Variants in TENM4 observed in about 807,000 individuals in gnomAD.
The protein encoded by TENM4 is teneurin transmembrane protein 4.
TENM4 carries 82 observed loss-of-function variants against 243.3 expected under a neutral mutation model. That is an observed-to-expected ratio of 0.34 (90% CI 0.28 to 0.40). The LOEUF (loss-of-function observed/expected upper bound fraction) is 0.40. Among genes scored for constraint, TENM4 ranks in the 10% least tolerant of loss-of-function variants. The probability of loss-of-function intolerance (pLI) is 1.00; values close to 1 mark genes in which losing one functional copy is unlikely to be tolerated. For missense variants in TENM4, 3,138 were observed against 3,673.3 expected (o/e 0.85, Z 3.77); for synonymous variants, 1,412 against 1,456.3 (o/e 0.97, Z 0.69).
At chr11:78,893,780 T>TACACACACAAACACACACACACAC (rs1855722596) in intron 7 of TENM4, among the ~76,000 whole-genome samples, 1 of 142,670 alleles carries the variant, frequency 7.0e-6, no homozygotes, top group Non-Finnish European at 1.5e-5. Flanking sequence ...GGACTTCACA[T>TACACACACAAACACACACACACAC]ACACACACAC....
rs1276207796 is a variant in TENM4 at position 78,786,926 on chromosome 11, A to T, written c.2337T>A (p.Pro779=). 1 of 1,609,406 alleles carries T rather than the reference A, an allele frequency of 6.2e-7. No homozygotes were observed. The highest frequency in any genetic ancestry group is 1.3e-5 in the African/African-American group (1 of 75,014). ...TCRDGKCECS[P]GWNGEHCTIA... is the part of the protein sequence containing the mutation. ...TGGTGCAGTGTTCGCCATTCCAGCC[A>T]GGGCTGCACTCGCACTTGCCGTCGC... Residue 779 remains proline (P), a synonymous_variant, in exon 16 of 34, where the codon CCT becomes CCA. Coordinates refer to ENST00000278550, the MANE Select transcript of TENM4 (RefSeq NM_001098816.3).
intron 6 of TENM4, among the ~76,000 whole-genome samples, chr11:79,052,545 T>C (rs923976171): frequency 1.3e-5 from 2 of 152,218 alleles, no homozygotes; most frequent in Admixed American, 6.5e-5. Flanking sequence ...ACTGTAAGTA[T>C]ATAATAAATA....
chr11:78,937,619 C>T (rs1439524892), intron 6 of TENM4, among the ~76,000 whole-genome samples: 2 of 152,200 alleles, frequency 1.3e-5, no homozygotes, highest in Admixed American at 6.5e-5. Context: ...TTGGTTTGGA[C>T]TGAGCTCTTG....
intron 13 of TENM4, among the ~76,000 whole-genome samples, chr11:78,813,273 T>C (rs1195690413): frequency 3.3e-5 from 5 of 152,220 alleles, no homozygotes; most frequent in Non-Finnish European, 7.3e-5. Context: ...CTTCTACTTA[T>C]GAACAATTTC....
At chr11:79,409,567 C>G (rs578125073) in intron 1 of TENM4, among the ~76,000 whole-genome samples, 13 of 152,112 alleles carry the variant, frequency 8.5e-5, no homozygotes, top group Non-Finnish European at 2.9e-5. Context: ...GAATAGCCCC[C>G]CCGGAACCAT....
intron 19 of TENM4, among the ~76,000 whole-genome samples, chr11:78,754,279 A>G (rs1188773599): frequency 2.0e-5 from 3 of 152,126 alleles, no homozygotes; most frequent in Non-Finnish European, 4.4e-5. Flanking sequence ...TGAGGGGTCC[A>G]TTTTCCCCAG....
At chr11:78,660,089 G>A (rs1312706453) in intron 33 of TENM4, among the ~76,000 whole-genome samples, 1 of 152,230 alleles carries the variant, frequency 6.6e-6, no homozygotes. Context: ...CTGGAGTGCA[G>A]GAGGGAGCCT....
At position 79,212,195 on chromosome 11, in the gene TENM4, G is replaced by A. The variant is rs147217460; in HGVS notation, c.-163+3613C>T. ...AAACATGATGTGGGTTCCCTGGCAT[G>A]TAGCAGATGGTCAATGCTTATAACT... On this transcript the variant is annotated intron_variant, in intron 3 of 33. Transcript: ENST00000278550. 1.6e-3 allele frequency among the ~76,000 whole-genome samples: 247 copies of A among 152,316 alleles called. 1 individual carries two copies. Among genetic ancestry groups the A allele is most frequent in the South Asian group, 5.0e-3 (24 of 4,832 alleles).
chr11:79,068,273 A>C (rs182097427), intron 5 of TENM4: 1 of 152,210 alleles, frequency 6.6e-6, no homozygotes, highest in African/African-American at 2.4e-5. Context: ...CTCACCACCT[A>C]TTAGGTACTG....
Position 79,215,942 on chromosome 11 carries a change from T to C in TENM4, c.-264-33A>G, listed in dbSNP as rs897029820. On this transcript the variant is annotated intron_variant, in intron 2 of 33. Coordinates refer to ENST00000278550, the MANE Select transcript of TENM4 (RefSeq NM_001098816.3). Reference sequence around the variant, plus strand: ...AGCAGAGAACACAGATCCAACTGAGTGAGGTGGCAAGATGCCCCAATCCTT... The same window carrying C: ...AGCAGAGAACACAGATCCAACTGAGCGAGGTGGCAAGATGCCCCAATCCTT... The C allele has an allele frequency of 9.4e-6, 8 of 849,552 alleles. No homozygotes were observed. In the African/African-American group the frequency reaches 1.3e-4, roughly 14 times the overall value. 52.6% of individuals were successfully genotyped at this position (849,552 alleles called of 1,614,324 possible). A position where few individuals can be genotyped will look rare whatever the true frequency, so the allele number is the denominator to read the frequency against.
rs564843326 is a variant in TENM4 at position 78,892,420 on chromosome 11, G to A, written c.750-1084C>T. Among the ~76,000 whole-genome samples the A allele has an allele frequency of 2.6e-5, 4 of 152,316 alleles. No homozygotes were observed. The East Asian group carries it at 7.7e-4, about 29-fold the overall frequency. The stretch of plus-strand genomic sequence containing the variant: ...CAGCCCTGCCAAGGACCTTCTTTCT[G>A]ACTTCGACCAGGTCTTAGAGCCAGC... On this transcript the variant is annotated intron_variant, in intron 7 of 33. Transcript: ENST00000278550.
chr11:79,164,186 A>G (rs62653121), intron 3 of TENM4, among the ~76,000 whole-genome samples: 57,542 of 117,948 alleles, frequency 0.49, 16,428 homozygotes, highest in Non-Finnish European at 0.64. Flanking sequence ...ACTATAGTGT[A>G]TATATATACT....
intron 6 of TENM4, among the ~76,000 whole-genome samples, chr11:78,916,931 C>T (rs770613648): frequency 2.0e-5 from 3 of 152,194 alleles, no homozygotes; most frequent in Non-Finnish European, 4.4e-5. Context: ...CTTCTGATTG[C>T]TCTTTCTACT....
At chr11:79,111,436 T>C (rs1431916145) in intron 4 of TENM4, among the ~76,000 whole-genome samples, 5 of 152,058 alleles carry the variant, frequency 3.3e-5, no homozygotes, top group African/African-American at 7.2e-5. Context: ...TCTCAGCTAC[T>C]TGGGAGGCTG....
At chr11:79,042,311 T>G (rs899310206) in intron 6 of TENM4, among the ~76,000 whole-genome samples, 2 of 152,214 alleles carry the variant, frequency 1.3e-5, no homozygotes, top group Non-Finnish European at 2.9e-5. Context: ...TCCACACAGT[T>G]ACCCTGCTAT....
In TENM4 at chr11:78,843,761, T is replaced by C. The variant is rs1858316923; in HGVS notation, c.1681+10343A>G. Among the ~76,000 whole-genome samples the C allele has an allele frequency of 2.0e-5, 3 of 152,342 alleles. 1 individual carries two copies. The highest frequency in any genetic ancestry group is 6.8e-3 in the Middle Eastern group (2 of 294). On this transcript the variant is annotated intron_variant, in intron 12 of 33. Coordinates refer to ENST00000278550, the MANE Select transcript of TENM4 (RefSeq NM_001098816.3). The stretch of plus-strand genomic sequence containing the variant: ...TTTCCATTTTTGAGTTAAGGAGTAC[T>C]GGCAAAGAAAGATGGAATCTAGCAG...
At chr11:79,139,689 A>G (rs1485544158) in intron 4 of TENM4, among the ~76,000 whole-genome samples, 2 of 76,106 alleles carry the variant, frequency 2.6e-5, no homozygotes, top group East Asian at 6.3e-4. Context: ...ATAAGTATAT[A>G]AAATATATAT....
chr11:78,982,901 C>T (rs1038418818), intron 6 of TENM4, among the ~76,000 whole-genome samples: 2 of 152,212 alleles, frequency 1.3e-5, no homozygotes, highest in Non-Finnish European at 2.9e-5. Context: ...TGAGCATTGT[C>T]CTTGCTGGTC....
chr11:78,865,098 G>A (rs1051374188), intron 9 of TENM4, among the ~76,000 whole-genome samples: 1 of 152,112 alleles, frequency 6.6e-6, no homozygotes, highest in Non-Finnish European at 1.5e-5. Flanking sequence ...TGCATATTAA[G>A]GCTCAGAAGG....
Sources: allele counts gnomAD v4.1 joint callset (sites outside exome capture counted in the v4.1 genomes callset), GRCh38; gene constraint gnomAD v4.1.1; transcripts MANE v1.5; gene names NCBI Gene and HGNC (gene_info 2026-07-23, HGNC 2026-07-21).